SPATA13: variants seen among roughly 807,000 people sequenced by gnomAD.
The protein encoded by SPATA13 is spermatogenesis-associated protein 13.
Under a neutral mutation model 104.0 loss-of-function variants are expected in SPATA13, and 50 were observed. The observed-to-expected ratio is 0.48, with a 90% CI of 0.38 to 0.61. The LOEUF (loss-of-function observed/expected upper bound fraction) is 0.61. Among genes scored for constraint, SPATA13 ranks in the 20% least tolerant of loss-of-function variants. SPATA13 has a pLI of 0.00. For missense variants in SPATA13, 1,524 were observed against 1,690.6 expected, an observed-to-expected ratio of 0.90 and a Z score of 1.73; for synonymous variants, 606 against 667.5, an observed-to-expected ratio of 0.91 and a Z score of 1.42.
At chr13:24,002,806 G>A (rs905566345) in intron 2 of SPATA13, among the ~76,000 whole-genome samples, 2 of 152,162 alleles carry the variant, frequency 1.3e-5, no homozygotes, top group Admixed American at 6.5e-5. Flanking sequence ...TGGCAGGCAC[G>A]GACGTAGAAC....
chr13:24,172,146 C>T (rs1485671958), intron 1 of SPATA13, among the ~76,000 whole-genome samples: 1 of 152,198 alleles, frequency 6.6e-6, no homozygotes, highest in East Asian at 1.9e-4. Flanking sequence ...CTGCCTTTCT[C>T]CCTGAGAGCC....
At chr13:24,164,921 G>C (rs1224410425) in intron 1 of SPATA13, among the ~76,000 whole-genome samples, 1 of 152,184 alleles carries the variant, frequency 6.6e-6, no homozygotes, top group Non-Finnish European at 1.5e-5. Context: ...CGCTAACTTC[G>C]GGGTTGTGGA....
At chr13:24,162,298 C>G (rs547668747) in intron 1 of SPATA13, 1 of 153,992 alleles carries the variant, frequency 6.5e-6, no homozygotes, top group Non-Finnish European at 1.5e-5. Context: ...TCCCTTTGCC[C>G]TACTTCTCCC....
chr13:24,262,309 C>CT (rs71186821), intron 4 of SPATA13, among the ~76,000 whole-genome samples: 28,013 of 138,232 alleles, frequency 0.2, 2,756 homozygotes, highest in Middle Eastern at 0.32. Context: ...AGTTTTTTTT[C>CT]TTTTTTTTTT....
intron 2 of SPATA13, among the ~76,000 whole-genome samples, chr13:23,995,033 C>T (rs751986743): frequency 3.3e-5 from 5 of 152,050 alleles, no homozygotes; most frequent in Non-Finnish European, 7.4e-5. Context: ...CTGTTCCTGA[C>T]GTCTAGTGGG....
chr13:24,054,809 T>G (rs1226375490), intron 3 of SPATA13, among the ~76,000 whole-genome samples: 1 of 152,202 alleles, frequency 6.6e-6, no homozygotes, highest in African/African-American at 2.4e-5. Context: ...TTTTTTAAAC[T>G]GGAAAAATGA....
chr13:24,256,226 A>G (rs777888223), intron 4 of SPATA13, among the ~76,000 whole-genome samples: 8 of 152,226 alleles, frequency 5.3e-5, no homozygotes, highest in Non-Finnish European at 8.8e-5. Flanking sequence ...TGATAACCAA[A>G]GGTTGGTAAA....
chr13:24,033,752 C>T (rs1278670494), intron 3 of SPATA13: 2 of 152,248 alleles, frequency 1.3e-5, no homozygotes, highest in Non-Finnish European at 2.9e-5. Flanking sequence ...GGCTGCGTGT[C>T]CCTCCGTCAT....
In SPATA13 at chr13:24,249,665, G is replaced by T. The variant is rs367658269; in HGVS notation, c.1842G>T (p.Lys614Asn). The T allele has an allele frequency of 3.7e-6, 6 of 1,614,220 alleles. No individual in the cohort carries two copies. In the South Asian group the frequency reaches 6.6e-5, roughly 18 times the overall value. ...PEDSVAADPQKEDRVDEDPQA... is the reference protein window; with the variant it reads ...PEDSVAADPQNEDRVDEDPQA... ...ACTCGGTTGCTGCAGACCCCCAGAA[G>T]GAAGACCGTGTGGACGAGGACCCCC... is the stretch of plus-strand genomic sequence containing the variant. The change falls in exon 3 of 13, where the codon AAG (lysine) becomes AAT (asparagine). Residue 614 changes from lysine to asparagine, a missense_variant. Lys to Asn is a moderately conservative substitution (Grantham distance 94). Around this residue, in one of 2 missense-constraint regions of SPATA13, gnomAD observed 1,089 missense variants for 1,135.9 expected, o/e 0.96. Transcript: ENST00000382108.
intron 2 of SPATA13, among the ~76,000 whole-genome samples, chr13:24,226,856 A>G (rs75456123): frequency 0.015 from 2,223 of 152,348 alleles, 130 homozygotes; most frequent in Admixed American, 0.11. Flanking sequence ...AAGTAGGACT[A>G]TCGCAGAGTA....
At chr13:24,142,464 C>G (rs1881791642) in intron 3 of SPATA13, among the ~76,000 whole-genome samples, 1 of 152,170 alleles carries the variant, frequency 6.6e-6, no homozygotes, top group African/African-American at 2.4e-5. Flanking sequence ...TCTCCCCCCT[C>G]AGTTTTGGAT....
At chr13:24,073,674 T>C (rs1284107160) in intron 3 of SPATA13, among the ~76,000 whole-genome samples, 1 of 152,262 alleles carries the variant, frequency 6.6e-6, no homozygotes. Flanking sequence ...TACTGCAGCA[T>C]GATTTTGGGT....
intron 4 of SPATA13, among the ~76,000 whole-genome samples, chr13:24,281,396 T>C (rs1324659556): frequency 6.6e-6 from 1 of 152,144 alleles, no homozygotes; most frequent in Non-Finnish European, 1.5e-5. Flanking sequence ...ACTCAGAGCC[T>C]GGAACCCTGA....
intron 3 of SPATA13, among the ~76,000 whole-genome samples, chr13:24,069,974 T>C (rs1395917339): frequency 6.6e-6 from 1 of 152,162 alleles, no homozygotes; most frequent in Non-Finnish European, 1.5e-5. Flanking sequence ...CTATCTGAGA[T>C]GTGGGAGTGC....
chr13:24,031,781 T>TC (rs1399141904), intron 3 of SPATA13, among the ~76,000 whole-genome samples: 3 of 152,232 alleles, frequency 2.0e-5, no homozygotes, highest in Admixed American at 1.3e-4. Flanking sequence ...TATATCTACA[T>TC]CCAGCATTCT....
intron 3 of SPATA13, among the ~76,000 whole-genome samples, chr13:24,060,397 T>G (rs1878730769): frequency 6.6e-6 from 1 of 152,206 alleles, no homozygotes. Context: ...GAGACTGAAG[T>G]TGGATCCCTT....
At chr13:24,032,416 A>T (rs1465261967) in intron 3 of SPATA13, among the ~76,000 whole-genome samples, 2 of 152,216 alleles carry the variant, frequency 1.3e-5, no homozygotes, top group Admixed American at 1.3e-4. Flanking sequence ...TAAACAGTCC[A>T]CATGGTATTA....
chr13:24,013,235 C>A (rs1876557693), intron 2 of SPATA13, among the ~76,000 whole-genome samples: 1 of 152,224 alleles, frequency 6.6e-6, no homozygotes, highest in Admixed American at 6.5e-5. Flanking sequence ...CAAGGAACTT[C>A]TCCTCAGCTC....
chr13:24,160,731 C>T lies in SPATA13; in HGVS notation c.-313C>T, dbSNP rs1246749750. 2 of 985,618 alleles carry T rather than the reference C, an allele frequency of 2.0e-6. No homozygotes were observed. The highest frequency in any genetic ancestry group is 1.1e-4 in the East Asian group (1 of 8,780). The allele number at this position is 985,618 out of a possible 1,614,324, so 61.1% of individuals were successfully genotyped here. A position where few individuals can be genotyped will look rare whatever the true frequency, so the allele number is the denominator to read the frequency against. ...GGCGTGGCTTGGCTGAGTGTGCTGC[C>T]GCGGCGCGGGAGGAGAGTGTGCGTT... On this transcript the variant is annotated 5_prime_UTR_variant, in exon 1 of 13. Coordinates refer to ENST00000382108, the MANE Select transcript of SPATA13 (RefSeq NM_001166271.3).
Sources: gnomAD v4.1 joint callset for allele counts (sites outside exome capture counted in the v4.1 genomes callset) on GRCh38, gnomAD v4.1.1 for gene constraint, gnomAD v4.1.1 regional missense constraint, MANE v1.5 for transcripts, NCBI Gene and HGNC (gene_info 2026-07-23, HGNC 2026-07-21) for gene names.